CCDC178: variants seen among roughly 807,000 people sequenced by gnomAD.
CCDC178 encodes coiled-coil domain-containing protein 178.
CCDC178 carries 126 observed loss-of-function variants against 117.4 expected under a neutral mutation model. The ratio of observed to expected loss-of-function variants is 1.07; its 90% CI spans 0.93 to 1.24. CCDC178 has a LOEUF of 1.24. Among genes scored for constraint, CCDC178 ranks in the 50% most tolerant of loss-of-function variants. The pLI, the probability that CCDC178 is intolerant of heterozygous loss-of-function variation, is 0.00. For missense variants in CCDC178, 1,030 were observed against 986.9 expected (o/e 1.04, Z -0.59); for synonymous variants, 283 against 313.4 (o/e 0.90, Z 1.02).
intron 6 of CCDC178, among the ~76,000 whole-genome samples, chr18:33,358,306 T>C (rs2063084559): frequency 6.6e-6 from 1 of 151,900 alleles, no homozygotes; most frequent in South Asian, 2.1e-4. Flanking sequence ...ACAAGCTTAT[T>C]CTAAAATTTA....
At chr18:33,314,035 C>A (rs1462915556) in intron 11 of CCDC178, among the ~76,000 whole-genome samples, 2 of 149,684 alleles carry the variant, frequency 1.3e-5, no homozygotes, top group Non-Finnish European at 3.0e-5. Flanking sequence ...CCCGTCTCTA[C>A]TAAAAATACA....
chr18:33,073,909 A>G (rs2057158166), intron 21 of CCDC178, among the ~76,000 whole-genome samples: 1 of 152,124 alleles, frequency 6.6e-6, no homozygotes, highest in African/African-American at 2.4e-5. Context: ...GGGACTTTCA[A>G]TCTAGTGATT....
At chr18:33,379,655 C>T (rs936858940) in intron 5 of CCDC178, among the ~76,000 whole-genome samples, 4 of 152,028 alleles carry the variant, frequency 2.6e-5, no homozygotes, top group Non-Finnish European at 5.9e-5. Flanking sequence ...CTAAGTTCTC[C>T]GCAAGGTGAT....
At chr18:33,069,138 C>T (rs2057068087) in intron 21 of CCDC178, among the ~76,000 whole-genome samples, 1 of 152,032 alleles carries the variant, frequency 6.6e-6, no homozygotes, top group African/African-American at 2.4e-5. Context: ...TCAATGTAAT[C>T]CTTATCAAAA....
chr18:33,093,493 T>C (rs2057498585), intron 20 of CCDC178, among the ~76,000 whole-genome samples: 1 of 152,146 alleles, frequency 6.6e-6, no homozygotes. Context: ...TATGTTTAAA[T>C]AAAAGTTAAA....
At chr18:33,325,432 T>C (rs1003454958) in intron 10 of CCDC178, among the ~76,000 whole-genome samples, 20 of 152,054 alleles carry the variant, frequency 1.3e-4, no homozygotes, top group African/African-American at 2.4e-5. Flanking sequence ...ATTTAAGTAA[T>C]TTTTCAAATA....
chr18:33,333,325 TGTA>T lies in CCDC178; in HGVS notation c.725_727del (p.Leu242del). ...CTCTGTCTTTTGTTTTTCAAAATGT[TGTA>T]GTTGATTAGCTTTATCTTCAAGATG... On this transcript the variant is annotated inframe_deletion, in exon 10 of 23. Coordinates refer to ENST00000383096, the MANE Select transcript of CCDC178 (RefSeq NM_001105528.4). The T allele has an allele frequency of 6.2e-7, 1 of 1,612,942 alleles. No homozygotes were observed. Among genetic ancestry groups the T allele is most frequent in the Non-Finnish European group, 8.5e-7 (1 of 1,179,346 alleles).
rs371715781 is a variant in CCDC178 at position 33,429,781 on chromosome 18, A to G, written c.-23+10181T>C. On this transcript the variant is annotated intron_variant, in intron 2 of 22. Transcript: ENST00000383096. ...CTTATCTTCAATGGTCATTACAGCT[A>G]GAGAATAGAGAGTATTTGCAACCCT... Among the ~76,000 whole-genome samples, 252 of 152,298 alleles carry G rather than the reference A, an allele frequency of 1.7e-3. 12 individuals are homozygous for G. The South Asian group carries it at 0.051, about 31-fold the overall frequency.
At chr18:33,355,996 A>G (rs2063050714) in intron 7 of CCDC178, among the ~76,000 whole-genome samples, 1 of 152,186 alleles carries the variant, frequency 6.6e-6, no homozygotes, top group Non-Finnish European at 1.5e-5. Flanking sequence ...TCTTAATGCA[A>G]TGAAGCAGCT....
intron 22 of CCDC178, chr18:32,957,996 G>A (rs1174774063): frequency 6.8e-6 from 2 of 294,746 alleles, no homozygotes; most frequent in Non-Finnish European, 1.3e-5. Context: ...TATCTCTTTA[G>A]TTATCCTTTG....
chr18:33,428,163 T>C (rs764836763), intron 2 of CCDC178, among the ~76,000 whole-genome samples: 13 of 152,208 alleles, frequency 8.5e-5, no homozygotes, highest in Non-Finnish European at 1.5e-4. Flanking sequence ...TAACTATTTA[T>C]TGAACACTTC....
At chr18:33,087,905 T>C (rs999706895) in intron 21 of CCDC178, among the ~76,000 whole-genome samples, 3 of 152,166 alleles carry the variant, frequency 2.0e-5, no homozygotes, top group Admixed American at 6.6e-5. Flanking sequence ...CGATACAAAG[T>C]GAGTATTAAA....
At chr18:32,938,192 A>G in intron 22 of CCDC178, 101 bp from the exon 23 acceptor site, 1 of 782,370 alleles carries the variant, frequency 1.3e-6, no homozygotes, top group South Asian at 1.6e-5. Context: ...TATCAACAAT[A>G]AAAATAACGA....
intron 21 of CCDC178, among the ~76,000 whole-genome samples, chr18:33,038,649 C>T (rs866237364): frequency 2.6e-5 from 4 of 152,002 alleles, no homozygotes; most frequent in East Asian, 1.9e-4. Flanking sequence ...GAAAAAATAG[C>T]GCAGGCTAGA....
In CCDC178 at chr18:32,969,635, T is replaced by G. The variant is rs149017457; in HGVS notation, c.2523+4912A>C. On this transcript the variant is annotated intron_variant, in intron 22 of 22. Coordinates refer to ENST00000383096, the MANE Select transcript of CCDC178 (RefSeq NM_001105528.4). The stretch of plus-strand genomic sequence containing the variant: ...AAATATTTCTCCCACTCTTTAATCT[T>G]TCTTATATTGCTGCTCTCTAGTGTG... Among the ~76,000 whole-genome samples the G allele has an allele frequency of 5.9e-5, 9 of 152,166 alleles. No homozygotes were observed. In the East Asian group the frequency reaches 1.5e-3, roughly 26 times the overall value.
intron 21 of CCDC178, among the ~76,000 whole-genome samples, chr18:32,992,550 TGAG>T (rs1253930096): frequency 6.6e-6 from 1 of 152,108 alleles, no homozygotes; most frequent in Non-Finnish European, 1.5e-5. Flanking sequence ...TGTAAAATAA[TGAG>T]GAGACTTCTG....
Position 33,224,801 on chromosome 18 carries a change from TG to T in CCDC178, c.1791del (p.Arg598GlufsTer14). On this transcript the variant is annotated frameshift_variant, in exon 17 of 23. Coordinates refer to ENST00000383096, the MANE Select transcript of CCDC178 (RefSeq NM_001105528.4). LOFTEE classifies it high-confidence loss of function. Reference sequence around the variant, plus strand: ...ACAGAATGTTCTTTGTCGAGACTTCTGATTCTTTCAGCTTCATCTTCTAGTT... The same window carrying T: ...ACAGAATGTTCTTTGTCGAGACTTCTATTCTTTCAGCTTCATCTTCTAGTT... ...LLQLEDEAER[I>X]RSLDKEHSVM... 1 of 1,542,010 alleles carries T rather than the reference TG, an allele frequency of 6.5e-7. No homozygotes were observed. The highest frequency in any genetic ancestry group is 8.7e-7 in the Non-Finnish European group (1 of 1,143,074).
intron 20 of CCDC178, among the ~76,000 whole-genome samples, chr18:33,146,736 C>G (rs146343747): frequency 2.4e-4 from 36 of 152,254 alleles, no homozygotes; most frequent in African/African-American, 8.7e-4. Flanking sequence ...TGGTATGACA[C>G]TTTCTGGATA....
At chr18:33,001,860 CA>C (rs1211148956) in intron 21 of CCDC178, among the ~76,000 whole-genome samples, 2 of 151,718 alleles carry the variant, frequency 1.3e-5, no homozygotes, top group Admixed American at 6.6e-5. Flanking sequence ...AAATGGAAAC[CA>C]AAAAAGAACA....
Sources: gnomAD v4.1 joint callset for allele counts (sites outside exome capture counted in the v4.1 genomes callset) on GRCh38, gnomAD v4.1.1 for gene constraint, MANE v1.5 for transcripts, NCBI Gene and HGNC (gene_info 2026-07-23, HGNC 2026-07-21) for gene names.